The following CPQ variants were observed in gnomAD, a reference collection of about 807,000 sequenced individuals.
CPQ encodes the protein Ser-Met dipeptidase.
A neutral mutation model predicts 45.7 loss-of-function variants in CPQ; 37 were observed. The observed-to-expected ratio is 0.81, with a 90% CI of 0.62 to 1.07. The LOEUF is 1.07. Ranked by LOEUF, CPQ falls within the 50% of genes least tolerant of loss-of-function variation. CPQ has a pLI of 0.00. For synonymous variants in CPQ, 186 were observed against 205.8 expected (o/e 0.90, Z 0.82); for missense variants, 537 against 572.9 (o/e 0.94, Z 0.64).
At chr8:97,117,872 T>C (rs937639469) in intron 7 of CPQ, among the ~76,000 whole-genome samples, 12 of 152,068 alleles carry the variant, frequency 7.9e-5, no homozygotes, top group African/African-American at 2.9e-4. Flanking sequence ...CCATTCTGAT[T>C]TCTACACACC....
At chr8:97,066,683 T>C (rs1207923364) in intron 7 of CPQ, among the ~76,000 whole-genome samples, 1 of 152,130 alleles carries the variant, frequency 6.6e-6, no homozygotes, top group African/African-American at 2.4e-5. Context: ...ATTTTACCAT[T>C]AGAGATAGAT....
rs151331879 is a variant in CPQ, at chr8:96,713,959, C to T, written c.-35+68557C>T. Among the ~76,000 whole-genome samples, 295 of 152,286 alleles carry T rather than the reference C, an allele frequency of 1.9e-3. 3 individuals are homozygous for T. The highest frequency in any genetic ancestry group is 0.01 in the Middle Eastern group (3 of 294). ...AGTTATTCTTTTTAAGAGGCTAAAG[C>T]GGACACCAACTCCTTCTGGCTTGTA... On this transcript the variant is annotated intron_variant, in intron 1 of 7. Transcript: ENST00000220763.
intron 4 of CPQ, among the ~76,000 whole-genome samples, chr8:96,892,501 A>G (rs1451110493): frequency 6.6e-6 from 1 of 152,156 alleles, no homozygotes; most frequent in Non-Finnish European, 1.5e-5. Context: ...TCACATTTTA[A>G]CCTTGAGTTG....
chr8:96,779,830 TA>T (rs1810664622), intron 1 of CPQ, among the ~76,000 whole-genome samples: 1 of 152,188 alleles, frequency 6.6e-6, no homozygotes, highest in African/African-American at 2.4e-5. Flanking sequence ...TTTTATTAGT[TA>T]ACAAAATTTA....
chr8:96,990,467 T>A (rs930767022), intron 5 of CPQ, among the ~76,000 whole-genome samples: 1 of 152,188 alleles, frequency 6.6e-6, no homozygotes, highest in Non-Finnish European at 1.5e-5. Context: ...TGAATAGTCT[T>A]ATGTACTGGA....
At chr8:97,036,997 C>T (rs1352888349) in intron 6 of CPQ, among the ~76,000 whole-genome samples, 1 of 152,176 alleles carries the variant, frequency 6.6e-6, no homozygotes, top group Non-Finnish European at 1.5e-5. Flanking sequence ...ATTCCAAATA[C>T]ACGAATTTAT....
chr8:96,939,686 A>C (rs1813100486), intron 4 of CPQ, among the ~76,000 whole-genome samples: 1 of 152,142 alleles, frequency 6.6e-6, no homozygotes, highest in African/African-American at 2.4e-5. Flanking sequence ...CATTGTGTGA[A>C]TATGCCGCAA....
At chr8:96,889,064 A>G (rs1409604434) in intron 4 of CPQ, among the ~76,000 whole-genome samples, 3 of 152,188 alleles carry the variant, frequency 2.0e-5, no homozygotes, top group Non-Finnish European at 4.4e-5. Flanking sequence ...CTTATGCAGA[A>G]GTTGAGAAAT....
At chr8:96,991,746 G>C (rs192723860) in intron 5 of CPQ, among the ~76,000 whole-genome samples, 33 of 152,198 alleles carry the variant, frequency 2.2e-4, no homozygotes, top group Non-Finnish European at 3.5e-4. Flanking sequence ...GTATTAACTG[G>C]TTGGTTGACT....
intron 3 of CPQ, among the ~76,000 whole-genome samples, chr8:96,879,584 G>C (rs1156880860): frequency 6.6e-6 from 1 of 152,116 alleles, no homozygotes; most frequent in Non-Finnish European, 1.5e-5. Flanking sequence ...ATTTACATAT[G>C]ATGATTATTA....
chr8:96,647,845 G>A (rs1404247555), intron 1 of CPQ, among the ~76,000 whole-genome samples: 1 of 152,184 alleles, frequency 6.6e-6, no homozygotes, highest in African/African-American at 2.4e-5. Flanking sequence ...TACCAATTTA[G>A]GGAATATAAA....
chr8:96,873,311 C>G (rs1348434743), intron 3 of CPQ, among the ~76,000 whole-genome samples: 2 of 150,954 alleles, frequency 1.3e-5, no homozygotes, highest in Admixed American at 1.3e-4. Context: ...GATTTCTTTT[C>G]CTTCTCTTTT....
Position 96,677,569 on chromosome 8 carries a change from A to G in CPQ, c.-35+32167A>G, listed in dbSNP as rs544826479. 7.9e-5 allele frequency among the ~76,000 whole-genome samples: 12 copies of G among 152,026 alleles called. 1 individual carries two copies. The East Asian group carries it at 1.9e-3, about 24-fold the overall frequency. ...GAGTTCCTTTTAGATTCTGTATATT[A>G]GTCCTTTGTCAGATGCATAGTTTGT... On this transcript the variant is annotated intron_variant, in intron 1 of 7. Transcript: ENST00000220763.
intron 1 of CPQ, among the ~76,000 whole-genome samples, chr8:96,777,971 G>T (rs200504285): frequency 2.0e-5 from 3 of 150,140 alleles, no homozygotes; most frequent in Admixed American, 2.0e-4. Context: ...TTTGTGATCC[G>T]CATGCCTTGG....
intron 5 of CPQ, among the ~76,000 whole-genome samples, chr8:96,976,014 A>C (rs1196242733): frequency 6.6e-6 from 1 of 152,098 alleles, no homozygotes; most frequent in Non-Finnish European, 1.5e-5. Flanking sequence ...AAAAGATATC[A>C]AGTGCATCCC....
At chr8:96,949,260 T>C (rs1813229726) in intron 4 of CPQ, among the ~76,000 whole-genome samples, 1 of 131,262 alleles carries the variant, frequency 7.6e-6, no homozygotes. Context: ...TTCTTGATTT[T>C]TTTTTTTTGT....
intron 5 of CPQ, among the ~76,000 whole-genome samples, chr8:96,970,325 T>C (rs925344377): frequency 1.3e-5 from 2 of 152,148 alleles, no homozygotes; most frequent in East Asian, 3.9e-4. Flanking sequence ...CTGGGTATAA[T>C]AAAAATATTG....
intron 1 of CPQ, among the ~76,000 whole-genome samples, chr8:96,766,566 A>G: frequency 6.6e-6 from 1 of 152,192 alleles, no homozygotes; most frequent in East Asian, 1.9e-4. Context: ...TGTCAGGGGC[A>G]GGCAGCAGCC....
At position 97,021,166 on chromosome 8, in the gene CPQ, C is replaced by A. The variant is rs181191645; in HGVS notation, c.962-8237C>A. Reference sequence around the variant, plus strand: ...ATGCAGAAAAAGCATTCCACAAAATCTAGCTTCCCTTTATGATTAAAACTC... The same window carrying A: ...ATGCAGAAAAAGCATTCCACAAAATATAGCTTCCCTTTATGATTAAAACTC... On this transcript the variant is annotated intron_variant, in intron 5 of 7. Transcript: ENST00000220763. Among the ~76,000 whole-genome samples the A allele has an allele frequency of 3.9e-4, 59 of 152,244 alleles. No individual in the cohort carries two copies. The East Asian group carries it at 0.011, about 27-fold the overall frequency.
Sources: gnomAD v4.1 joint callset for allele counts (sites outside exome capture counted in the v4.1 genomes callset) on GRCh38, gnomAD v4.1.1 for gene constraint, MANE v1.5 for transcripts, NCBI Gene and HGNC (gene_info 2026-07-23, HGNC 2026-07-21) for gene names.